PTPN14: variants seen among roughly 807,000 people sequenced by gnomAD.
PTPN14 encodes the protein tyrosine-protein phosphatase non-receptor type 14.
PTPN14 carries 53 observed loss-of-function variants against 126.8 expected under a neutral mutation model. The ratio of observed to expected loss-of-function variants is 0.42; its 90% CI spans 0.34 to 0.53. PTPN14 has a LOEUF of 0.53. PTPN14 is among the 20% of genes least tolerant of loss of function. The probability of loss-of-function intolerance (pLI) is 0.08; values close to 1 mark genes in which losing one functional copy is unlikely to be tolerated. For missense variants in PTPN14, 1,257 were observed against 1,552.9 expected, an observed-to-expected ratio of 0.81 and a Z score of 3.20; for synonymous variants, 630 against 599.3, an observed-to-expected ratio of 1.05 and a Z score of -0.75.
intron 2 of PTPN14, among the ~76,000 whole-genome samples, chr1:214,452,973 C>T (rs1490670517): frequency 1.3e-5 from 2 of 152,304 alleles, no homozygotes; most frequent in South Asian, 2.1e-4. Flanking sequence ...GCCCCCTCAA[C>T]ATTATACAGA....
chr1:214,403,864 C>T (rs1434027210), intron 5 of PTPN14, among the ~76,000 whole-genome samples: 1 of 152,214 alleles, frequency 6.6e-6, no homozygotes, highest in South Asian at 2.1e-4. Context: ...TCCTGGGCAG[C>T]AGGTCCCACA....
At chr1:214,394,492 C>G (rs912225303) in intron 9 of PTPN14, among the ~76,000 whole-genome samples, 1 of 152,210 alleles carries the variant, frequency 6.6e-6, no homozygotes, top group African/African-American at 2.4e-5. Flanking sequence ...ATTGCAACCT[C>G]TGCCTCCTGG....
In PTPN14 at chr1:214,433,724, T is replaced by C. The variant is rs192910168; in HGVS notation, c.344+18081A>G. Among the ~76,000 whole-genome samples, 457 of 152,178 alleles carry C rather than the reference T, an allele frequency of 3.0e-3. 3 individuals are homozygous for C. The highest frequency in any genetic ancestry group is 0.01 in the African/African-American group (435 of 41,516). ...TTCAATATATAAACGAATGAATGAC[T>C]GTCTTCTGTCAGCAAGAAATCAAGA... On this transcript the variant is annotated intron_variant, in intron 3 of 18. Transcript: ENST00000366956.
chr1:214,391,126 A>C, intron 10 of PTPN14, 81 bp from the exon 11 acceptor site: 2 of 1,007,738 alleles, frequency 2.0e-6, no homozygotes, highest in Non-Finnish European at 2.8e-6. Context: ...GGAGAGGAAG[A>C]GAATAAACAA....
intron 7 of PTPN14, 84 bp downstream of exon 7, chr1:214,401,601 T>C: frequency 8.3e-7 from 1 of 1,203,494 alleles, no homozygotes; most frequent in South Asian, 1.6e-5. Flanking sequence ...CAAGCCATTC[T>C]GGCCCACTGC....
At chr1:214,483,748 G>C (rs1202310820) in intron 1 of PTPN14, among the ~76,000 whole-genome samples, 1 of 151,470 alleles carries the variant, frequency 6.6e-6, no homozygotes, top group Non-Finnish European at 1.5e-5. Flanking sequence ...TTTCTTTTTA[G>C]GTATTATTTC....
At chr1:214,487,737 A>C (rs1661147475) in intron 1 of PTPN14, among the ~76,000 whole-genome samples, 1 of 152,214 alleles carries the variant, frequency 6.6e-6, no homozygotes, top group Admixed American at 6.5e-5. Context: ...GTTTGAAAGC[A>C]CTTTGTTGAG....
intron 1 of PTPN14, among the ~76,000 whole-genome samples, chr1:214,471,740 G>A (rs777170288): frequency 6.6e-6 from 1 of 152,140 alleles, no homozygotes; most frequent in Non-Finnish European, 1.5e-5. Context: ...GTCCAACCAC[G>A]GCTACCTGGT....
At chr1:214,438,223 G>A (rs559929756) in intron 3 of PTPN14, among the ~76,000 whole-genome samples, 3 of 152,170 alleles carry the variant, frequency 2.0e-5, no homozygotes, top group Non-Finnish European at 4.4e-5. Flanking sequence ...TGGCTTCCCT[G>A]TTCTGAACAG....
At chr1:214,424,248 T>C (rs954341742) in intron 3 of PTPN14, among the ~76,000 whole-genome samples, 29 of 150,556 alleles carry the variant, frequency 1.9e-4, no homozygotes, top group African/African-American at 6.9e-4. Flanking sequence ...TGAGCCGAGA[T>C]TGCACCACTG....
At chr1:214,510,738 A>G (rs893421571) in intron 1 of PTPN14, among the ~76,000 whole-genome samples, 1 of 152,188 alleles carries the variant, frequency 6.6e-6, no homozygotes, top group Non-Finnish European at 1.5e-5. Flanking sequence ...GACCATCTCC[A>G]TATGTTTGGA....
intron 1 of PTPN14, among the ~76,000 whole-genome samples, chr1:214,467,139 T>C (rs1351129397): frequency 6.6e-6 from 1 of 152,162 alleles, no homozygotes; most frequent in Non-Finnish European, 1.5e-5. Flanking sequence ...ATCTGATTTC[T>C]TGATAGGTAC....
chr1:214,399,137 A>G (rs1017162862), intron 7 of PTPN14, among the ~76,000 whole-genome samples: 4 of 152,210 alleles, frequency 2.6e-5, no homozygotes, highest in African/African-American at 9.6e-5. Context: ...AACTGGTTTG[A>G]TTTAGCCACT....
chr1:214,525,827 G>T (rs1655378249), intron 1 of PTPN14, among the ~76,000 whole-genome samples: 3 of 152,164 alleles, frequency 2.0e-5, no homozygotes, highest in Admixed American at 2.0e-4. Flanking sequence ...CTTTCCACTA[G>T]ACCACATGGG....
chr1:214,500,501 A>T (rs995468113), intron 1 of PTPN14, among the ~76,000 whole-genome samples: 1 of 152,136 alleles, frequency 6.6e-6, no homozygotes, highest in Admixed American at 6.5e-5. Context: ...TCCTCCTTCA[A>T]CTTGGTGAAC....
chr1:214,384,506 C>T lies in PTPN14; in HGVS notation c.1349G>A (p.Arg450His), dbSNP rs373748699. 3 of 1,614,006 alleles carry T rather than the reference C, an allele frequency of 1.9e-6. No individual in the cohort carries two copies. In the African/African-American group the frequency reaches 4.0e-5, roughly 22 times the overall value. The change falls in exon 13 of 19, where the codon CGC becomes CAC. Residue 450 changes from arginine (R) to histidine (H), a missense_variant. By Grantham distance (29) the Arg-to-His change is conservative. Coordinates refer to ENST00000366956, the MANE Select transcript of PTPN14 (RefSeq NM_005401.5). This position sits in a 1 kb window ranked among gnomAD's most constrained non-coding sequence, Gnocchi z 5.3. Reference protein sequence around the residue: ...RPTPDYETVMRQMKRGILHTD... With the variant: ...RPTPDYETVMHQMKRGILHTD... The stretch of plus-strand genomic sequence containing the variant: ...ATGCAGGATCCCCCTCTTCATCTGG[C>T]GCATGACTGTCTCATAATCGGGGGT...
At chr1:214,469,179 A>G (rs1285576184) in intron 1 of PTPN14, among the ~76,000 whole-genome samples, 1 of 152,176 alleles carries the variant, frequency 6.6e-6, no homozygotes, top group African/African-American at 2.4e-5. Flanking sequence ...AGGATTAGAG[A>G]AGAAGATCTC....
intron 3 of PTPN14, among the ~76,000 whole-genome samples, chr1:214,424,493 C>A (rs954345309): frequency 6.6e-6 from 1 of 151,494 alleles, no homozygotes; most frequent in African/African-American, 2.4e-5. Flanking sequence ...TAGCATGGAC[C>A]TGTGGTGAGA....
At chr1:214,361,924 G>A (rs932499298) in intron 18 of PTPN14, among the ~76,000 whole-genome samples, 2 of 152,138 alleles carry the variant, frequency 1.3e-5, no homozygotes, top group Non-Finnish European at 2.9e-5. Flanking sequence ...ACTTTTCTGT[G>A]TTTAGAATGA....
Sources: allele counts gnomAD v4.1 joint callset (sites outside exome capture counted in the v4.1 genomes callset), GRCh38; gene constraint gnomAD v4.1.1; non-coding constraint Gnocchi (gnomAD v3.1); transcripts MANE v1.5; gene names NCBI Gene and HGNC (gene_info 2026-07-23, HGNC 2026-07-21).